Variants in ZDHHC11 observed in about 807,000 individuals in gnomAD.
ZDHHC11 encodes zDHHC palmitoyltransferase 11, also known as palmitoyltransferase ZDHHC11.
Under a neutral mutation model 51.3 loss-of-function variants are expected in ZDHHC11, and 44 were observed. The ratio of observed to expected loss-of-function variants is 0.86; its 90% confidence interval spans 0.67 to 1.10. The LOEUF (loss-of-function observed/expected upper bound fraction) is 1.10, where lower values mean the gene tolerates loss of function less well. Among genes scored for constraint, ZDHHC11 ranks in the 50% least tolerant of loss-of-function variants. The pLI, the probability that ZDHHC11 is intolerant of heterozygous loss-of-function variation, is 0.00. For missense variants in ZDHHC11, 400 were observed against 537.7 expected (o/e 0.74, Z 2.53); for synonymous variants, 163 against 222.0 (o/e 0.73, Z 2.36).
chr5:850,267 A>C, intron 1 of ZDHHC11, 114 bp downstream of exon 1: 1 of 1,217,674 alleles, frequency 8.2e-7, no homozygotes, highest in Admixed American at 2.1e-5. Context: ...AGTCTGGCCC[A>C]GGGCAGGTGA....
At chr5:837,250 T>C (rs1349093746) in intron 6 of ZDHHC11, 115 bp downstream of exon 6, 1 of 1,171,486 alleles carries the variant, frequency 8.5e-7, no homozygotes, top group African/African-American at 1.6e-5. Flanking sequence ...CACAGCAGAG[T>C]CCATGGGCTG....
chr5:799,387 G>T (rs1477529807), intron 12 of ZDHHC11, among the ~76,000 whole-genome samples: 2 of 151,544 alleles, frequency 1.3e-5, no homozygotes, highest in African/African-American at 4.8e-5. Flanking sequence ...TCAGCCATCA[G>T]AATCATAAGC....
upstream of ZDHHC11, among the ~76,000 whole-genome samples, chr5:860,251 A>G (rs958320549): frequency 1.3e-5 from 2 of 152,176 alleles, no homozygotes; most frequent in African/African-American, 2.4e-5. This position sits in a 1 kb window ranked among gnomAD's most constrained non-coding sequence, Gnocchi z 4.2. Flanking sequence ...CTGGCCAGAG[A>G]GGCTGAGACG....
intron 10 of ZDHHC11, among the ~76,000 whole-genome samples, chr5:815,168 A>T (rs948012210): frequency 6.6e-6 from 1 of 151,580 alleles, no homozygotes; most frequent in Non-Finnish European, 1.5e-5. Context: ...ACACAAACTG[A>T]GGGAAGACTG....
At chr5:806,118 C>T (rs745677637) in intron 11 of ZDHHC11, among the ~76,000 whole-genome samples, 14 of 150,920 alleles carry the variant, frequency 9.3e-5, no homozygotes, top group Non-Finnish European at 1.5e-4. Flanking sequence ...TACAGCCTTT[C>T]GTGGGAGAGA....
chr5:826,924 T>G (rs1175914318), intron 7 of ZDHHC11, among the ~76,000 whole-genome samples: 1 of 80,348 alleles, frequency 1.2e-5, no homozygotes, highest in Non-Finnish European at 2.7e-5. Flanking sequence ...AGGCACATGG[T>G]CATCAGGTTA....
At chr5:840,965 C>G (rs1744766339) in intron 4 of ZDHHC11, 3 of 1,340,936 alleles carry the variant, frequency 2.2e-6, no homozygotes, top group Admixed American at 3.2e-5. Context: ...TCACTAAGAG[C>G]CAGGGTCACA....
rs879334040 is a variant in ZDHHC11, at chr5:825,258, G to T, written c.936-7C>A. The T allele has an allele frequency of 1.7e-5, 28 of 1,611,450 alleles. 1 individual carries two copies. Among genetic ancestry groups the T allele is most frequent in the Non-Finnish European group, 2.4e-5 (28 of 1,178,154 alleles). ...GGAGCTCTTGGCTTTGACTCTGGTG[G>T]GACAGAAAGGAGGAGAGAAACTCAT... On this transcript the variant is annotated splice_region_variant and splice_polypyrimidine_tract_variant and intron_variant, in intron 7 of 12. Transcript: ENST00000283441.
At chr5:823,369 A>G (rs562402604) in intron 8 of ZDHHC11, 1 of 151,104 alleles carries the variant, frequency 6.6e-6, no homozygotes, top group African/African-American at 2.4e-5. Flanking sequence ...AAACCCTTCC[A>G]TGTCTCCCCA....
At chr5:852,892 C>T (rs770910506), upstream of ZDHHC11, among the ~76,000 whole-genome samples, 4 of 146,594 alleles carry the variant, frequency 2.7e-5, no homozygotes, top group Non-Finnish European at 6.0e-5. Context: ...CCACGGAGGA[C>T]AGTGAGCAGC....
chr5:850,582 G>A lies in ZDHHC11; in HGVS notation c.21C>T (p.Ser7=). Residue 7 remains serine, a synonymous_variant, in exon 1 of 13, where the codon AGC becomes AGT. Coordinates refer to ENST00000283441, the MANE Select transcript of ZDHHC11 (RefSeq NM_024786.3). ...TGGCTTCTGGGGTGACGGAACACTG[G>A]CTCCCGGAGCGGGTGTCCATCTGCA... MDTRSG[S]QCSVTPEAIL... is the part of the protein sequence containing the mutation. 2 of 1,613,402 alleles carry A rather than the reference G, an allele frequency of 1.2e-6. No homozygotes were observed. The highest frequency in any genetic ancestry group is 1.1e-5 in the South Asian group (1 of 91,080).
chr5:858,658 G>T (rs1748617590), intron 1 of ZDHHC11, among the ~76,000 whole-genome samples: 1 of 152,106 alleles, frequency 6.6e-6, no homozygotes, highest in Non-Finnish European at 1.5e-5. Context: ...TTTCCATGGG[G>T]ACCCTCTGGA....
At chr5:797,243 C>A (rs1737722228) in intron 12 of ZDHHC11, among the ~76,000 whole-genome samples, 1 of 150,954 alleles carries the variant, frequency 6.6e-6, no homozygotes, top group Non-Finnish European at 1.5e-5. Flanking sequence ...TATATATATT[C>A]TTTGTTTACG....
At chr5:859,489 G>C (rs576862056), upstream of ZDHHC11, among the ~76,000 whole-genome samples, 6 of 152,196 alleles carry the variant, frequency 3.9e-5, no homozygotes, top group African/African-American at 1.2e-4. Context: ...CAACCAACAG[G>C]CGACGTCCAG....
intron 9 of ZDHHC11, chr5:821,149 C>T (rs1273812860): frequency 1.3e-5 from 2 of 151,576 alleles, no homozygotes; most frequent in African/African-American, 4.8e-5. Context: ...TTACCCTCCT[C>T]CAGCCCCTTG....
Position 850,893 on chromosome 5 carries a change from C to T in ZDHHC11, c.-291G>A, listed in dbSNP as rs755604124. 1.7e-4 allele frequency: 76 copies of T among 453,428 alleles called. No homozygotes were observed. Among genetic ancestry groups the T allele is most frequent in the Non-Finnish European group, 2.4e-4 (65 of 270,096 alleles). 28.1% of individuals were successfully genotyped at this position (453,428 alleles called of 1,614,324 possible). On this transcript the variant is annotated 5_prime_UTR_variant, in exon 1 of 13. Transcript: ENST00000283441. ...TCCAGGGTGTGGAGGACCCAGTGCCCGCGCGACCGCCCATCAGTTCCCCTG... is the reference window on the plus strand; with the variant it reads ...TCCAGGGTGTGGAGGACCCAGTGCCTGCGCGACCGCCCATCAGTTCCCCTG...
At chr5:804,900 A>G (rs1739027472) in intron 11 of ZDHHC11, among the ~76,000 whole-genome samples, 1 of 151,444 alleles carries the variant, frequency 6.6e-6, no homozygotes, top group South Asian at 2.1e-4. Flanking sequence ...CAGTAACTCA[A>G]AACCATACAA....
At chr5:858,050 CCT>C (rs1169650836) in intron 1 of ZDHHC11, among the ~76,000 whole-genome samples, 3 of 146,938 alleles carry the variant, frequency 2.0e-5, no homozygotes, top group African/African-American at 7.9e-5. Context: ...ACCGTGGTCC[CCT>C]GAGTCTGTCC....
At chr5:852,401 C>T (rs1190321973), upstream of ZDHHC11, among the ~76,000 whole-genome samples, 3 of 152,234 alleles carry the variant, frequency 2.0e-5, no homozygotes, top group Non-Finnish European at 4.4e-5. Context: ...AGACTGAAGA[C>T]TTCAGGTCGA....
Sources: allele counts gnomAD v4.1 joint callset (sites outside exome capture counted in the v4.1 genomes callset), GRCh38; gene constraint gnomAD v4.1.1; non-coding constraint Gnocchi (gnomAD v3.1); transcripts MANE v1.5; gene names NCBI Gene and HGNC (gene_info 2026-07-23, HGNC 2026-07-21).